Variants in DMKN observed in about 807,000 individuals in gnomAD.
DMKN encodes the protein epidermis-specific secreted protein SK30/SK89.
A neutral mutation model predicts 67.6 loss-of-function variants in DMKN; 58 were observed. The observed-to-expected ratio is 0.86, with a 90% CI of 0.69 to 1.07. The LOEUF (loss-of-function observed/expected upper bound fraction) is 1.07. Ranked by LOEUF, DMKN falls within the 50% of genes least tolerant of loss-of-function variation. The pLI, the probability that DMKN is intolerant of heterozygous loss-of-function variation, is 0.00. For synonymous variants in DMKN, 240 were observed against 232.3 expected (o/e 1.03, Z -0.30); for missense variants, 596 against 601.5 (o/e 0.99, Z 0.10).
rs2071017977 is a variant in DMKN at position 35,512,517 on chromosome 19, C to A, written c.628-40G>T. On this transcript the variant is annotated intron_variant, in intron 2 of 15. Transcript: ENST00000339686. ...AGACTGAGAGTAGGATCCAGAGGGA[C>A]CAGGGAGGCACGCGGAGCATGTGGG... 7 of 1,614,066 alleles carry A rather than the reference C, an allele frequency of 4.3e-6. No individual in the cohort carries two copies. In the East Asian group the frequency reaches 1.3e-4, roughly 31 times the overall value.
intron 7 of DMKN, among the ~76,000 whole-genome samples, chr19:35,509,136 G>A (rs1283965582): frequency 6.6e-6 from 1 of 152,082 alleles, no homozygotes; most frequent in Admixed American, 6.6e-5. Flanking sequence ...TAAGAGAATC[G>A]CTTGAACCCA....
intron 9 of DMKN, among the ~76,000 whole-genome samples, chr19:35,504,547 C>T (rs529460972): frequency 1.1e-4 from 15 of 133,548 alleles, no homozygotes; most frequent in Non-Finnish European, 2.1e-4. Flanking sequence ...CACTACACTC[C>T]AACCTGGGTG....
intron 7 of DMKN, chr19:35,506,196 A>T: frequency 6.7e-7 from 1 of 1,501,402 alleles, no homozygotes; most frequent in African/African-American, 1.4e-5. Context: ...CTGGGTGGGG[A>T]AAAGGGGGAC....
At chr19:35,505,840 G>T (rs2069382504) in intron 8 of DMKN, 75 bp from the exon 9 acceptor site, 1 of 1,612,994 alleles carries the variant, frequency 6.2e-7, no homozygotes, top group African/African-American at 1.3e-5. Context: ...AAGGGCCACT[G>T]CTGACTGTTG....
At chr19:35,501,703 G>T in intron 11 of DMKN, 1 of 1,071,988 alleles carries the variant, frequency 9.3e-7, no homozygotes, top group Non-Finnish European at 1.3e-6. Context: ...ACTAGACAGG[G>T]ACCTGACCCC....
At chr19:35,506,782 G>C in intron 7 of DMKN, 10 of 273,068 alleles carry the variant, frequency 3.7e-5, no homozygotes, top group Non-Finnish European at 6.0e-5. Context: ...GAGAGGCCGA[G>C]GTGGGTGGAT....
In DMKN at chr19:35,513,267, G is replaced by T; in HGVS notation, c.209C>A (p.Ala70Asp). The T allele has an allele frequency of 6.2e-7, 1 of 1,613,938 alleles. No individual in the cohort carries two copies. The highest frequency in any genetic ancestry group is 8.5e-7 in the Non-Finnish European group (1 of 1,179,876). Reference sequence around the variant, plus strand: ...TGCTTCTCTGGTCCCTTGGCCAAGGGCCTCACTGACTTTAGAGCCAGCTGC... The same window carrying T: ...TGCTTCTCTGGTCCCTTGGCCAAGGTCCTCACTGACTTTAGAGCCAGCTGC... ...GGAAGSKVSE[A>D]LGQGTREAVG... Residue 70 changes from alanine to aspartate, a missense_variant, in exon 1 of 16, where the codon GCC becomes GAC. By Grantham distance (126) the Ala-to-Asp change is moderately radical. Coordinates refer to ENST00000339686, the MANE Select transcript of DMKN (RefSeq NM_033317.5).
chr19:35,506,372 G>A, intron 7 of DMKN: 1 of 643,690 alleles, frequency 1.6e-6, no homozygotes, highest in East Asian at 2.7e-5. Context: ...TCTTAGAATG[G>A]ATTGCTCCCA....
At chr19:35,497,654 C>G (rs2067660083) in intron 15 of DMKN, 116 bp from the exon 16 acceptor site, 1 of 152,416 alleles carries the variant, frequency 6.6e-6, no homozygotes, top group African/African-American at 2.4e-5. Flanking sequence ...TACCTGTTCG[C>G]CTGTGGTGCC....
At chr19:35,511,262 G>A (rs753036184) in intron 5 of DMKN, 149 bp downstream of exon 5, 50 of 1,410,786 alleles carry the variant, frequency 3.5e-5, no homozygotes, top group Non-Finnish European at 4.8e-5. Context: ...TGGGGAACAG[G>A]AGGCTGAGGG....
At chr19:35,501,133 G>T (rs1417967670) in intron 11 of DMKN, among the ~76,000 whole-genome samples, 1 of 152,116 alleles carries the variant, frequency 6.6e-6, no homozygotes, top group South Asian at 2.1e-4. Context: ...CAGCCCCAGC[G>T]CAAGAGGAGA....
chr19:35,511,689 G>C, intron 4 of DMKN, 74 bp downstream of exon 4: 1 of 1,592,570 alleles, frequency 6.3e-7, no homozygotes, highest in South Asian at 1.1e-5. Flanking sequence ...ATTCCATGAT[G>C]CCCAGTCTAA....
chr19:35,511,521 C>T lies in DMKN; in HGVS notation c.808G>A (p.Gly270Ser), dbSNP rs145440628. The T allele has an allele frequency of 6.6e-5, 103 of 1,549,288 alleles. No individual in the cohort carries two copies. In the African/African-American group the frequency reaches 1.2e-3, roughly 19 times the overall value. Residue 270 changes from glycine to serine, a missense_variant, in exon 5 of 16, where the codon GGT (glycine) becomes AGT (serine). By Grantham distance (56) the Gly-to-Ser change is moderately conservative. Coordinates refer to ENST00000339686, the MANE Select transcript of DMKN (RefSeq NM_033317.5). ...NGDNNNGSSS[G>S]GSSSGSSSGG... is the part of the protein sequence containing the mutation. ...CTGCTGCTGCCACTGCTGCTGCCAC[C>T]ACTGCTGCTGCCATTGTTGTTGTCA...
chr19:35,512,554 G>A (rs1385628337), intron 2 of DMKN, 36 bp downstream of exon 2: 2 of 1,613,994 alleles, frequency 1.2e-6, no homozygotes, highest in Non-Finnish European at 1.7e-6. Flanking sequence ...TTGGAGGGAG[G>A]GAGGTGGCAG....
At chr19:35,498,612 C>G in intron 15 of DMKN, 104 bp downstream of exon 15, 1 of 1,500,106 alleles carries the variant, frequency 6.7e-7, no homozygotes, top group Non-Finnish European at 9.1e-7. Flanking sequence ...CTTCATGTCG[C>G]TGCCCACTGA....
chr19:35,512,584 C>G lies in DMKN; in HGVS notation c.627+6G>C. 6.2e-7 allele frequency: 1 copy of G among 1,614,136 alleles called. No homozygotes were observed. ...TGGCAGGTAGCAGGTCTGGGGGTGA[C>G]TTTACCTGAGTGTTGGTCCCAAAGT... On this transcript the variant is annotated splice_donor_region_variant and intron_variant, in intron 2 of 15. Coordinates refer to ENST00000339686, the MANE Select transcript of DMKN (RefSeq NM_033317.5).
chr19:35,502,343 A>G (rs1463618046), intron 10 of DMKN, among the ~76,000 whole-genome samples, 160 bp from the exon 11 acceptor site: 1 of 152,084 alleles, frequency 6.6e-6, no homozygotes. Flanking sequence ...GGGTGTCAGC[A>G]CTTGAGATGG....
chr19:35,499,984 T>A lies in DMKN; in HGVS notation c.1333A>T (p.Lys445Ter). ...TTTGCAGGGGTCTTGACTGAGTACTTCCCACCATAGGCAGTGGGATACGCA... is the reference window on the plus strand; with the variant it reads ...TTTGCAGGGGTCTTGACTGAGTACTACCCACCATAGGCAGTGGGATACGCA... ...QHAYPTAYGG[K>*]YSVKTPAKGG... The change falls in exon 13 of 16, where the codon AAG becomes TAG. Residue 445 changes from lysine to a stop codon, truncating the protein, a stop_gained. Coordinates refer to ENST00000339686, the MANE Select transcript of DMKN (RefSeq NM_033317.5). LOFTEE classifies it high-confidence loss of function. 1 of 1,614,206 alleles carries A rather than the reference T, an allele frequency of 6.2e-7. No individual in the cohort carries two copies. The highest frequency in any genetic ancestry group is 1.1e-5 in the South Asian group (1 of 91,080).
At chr19:35,502,969 A>G (rs2145942385) in intron 9 of DMKN, 83 bp from the exon 10 acceptor site, 1 of 1,426,068 alleles carries the variant, frequency 7.0e-7, no homozygotes, top group Non-Finnish European at 9.6e-7. Context: ...CCCTATCTCA[A>G]CCTTCAGAAT....
Sources: gnomAD v4.1 joint callset for allele counts (sites outside exome capture counted in the v4.1 genomes callset) on GRCh38, gnomAD v4.1.1 for gene constraint, MANE v1.5 for transcripts, NCBI Gene and HGNC (gene_info 2026-07-23, HGNC 2026-07-21) for gene names.